Variants in DRC2 observed in about 807,000 individuals in gnomAD.
The protein encoded by DRC2 is dynein regulatory complex subunit 2.
At chr12:48,904,780 C>T in the DRC2 span, among the ~76,000 whole-genome samples, 1 of 152,226 alleles carries the variant, frequency 6.6e-6, no homozygotes, top group African/African-American at 2.4e-5. Flanking sequence ...CAACATCCTA[C>T]TCTGATGCTC....
the DRC2 span, among the ~76,000 whole-genome samples, chr12:48,906,142 C>A: frequency 2.6e-5 from 4 of 152,072 alleles, no homozygotes; most frequent in African/African-American, 9.7e-5. Flanking sequence ...CATGGTATTC[C>A]CCCTCTAGAA....
At chr12:48,908,570 GATT>G in the DRC2 span, among the ~76,000 whole-genome samples, 37,785 of 140,712 alleles carry the variant, frequency 0.27, 5,653 homozygotes, top group African/African-American at 0.39. Context: ...GAACTACCAG[GATT>G]ATTATTATTA....
the DRC2 span, among the ~76,000 whole-genome samples, chr12:48,908,414 TTAAAG>T: frequency 1.2e-4 from 18 of 151,948 alleles, no homozygotes; most frequent in Non-Finnish European, 1.9e-4. Context: ...GTCGTCTACT[TTAAAG>T]TAGTTTTCAA....
At chr12:48,912,452 A>AAAAAAAAAAAAAAAAAG in the DRC2 span, among the ~76,000 whole-genome samples, 1 of 149,648 alleles carries the variant, frequency 6.7e-6, no homozygotes, top group South Asian at 2.1e-4. Context: ...AAAAAAAAAA[A>AAAAAAAAAAAAAAAAAG]AAAAAAAATT....
At chr12:48,906,278 T>C in the DRC2 span, among the ~76,000 whole-genome samples, 49,509 of 151,324 alleles carry the variant, frequency 0.33, 9,090 homozygotes, top group Admixed American at 0.47. Context: ...GAAGTCCACA[T>C]ACCCCACCAG....
At chr12:48,920,781 C>T in the DRC2 span, 2 of 635,278 alleles carry the variant, frequency 3.1e-6, no homozygotes, top group Admixed American at 3.2e-5. Context: ...GTGTGTGTTA[C>T]ATGGTAACCT....
At chr12:48,920,878 C>T in the DRC2 span, 3 of 1,540,412 alleles carry the variant, frequency 1.9e-6, no homozygotes, top group East Asian at 2.3e-5. Flanking sequence ...ACTCCACTAG[C>T]TTCCCTCTTC....
the DRC2 span, among the ~76,000 whole-genome samples, chr12:48,915,130 T>A: frequency 0.32 from 46,255 of 146,022 alleles, 8,361 homozygotes; most frequent in Admixed American, 0.46. Flanking sequence ...TTTTTTTTTT[T>A]ATTGATCATT....
the DRC2 span, among the ~76,000 whole-genome samples, chr12:48,916,722 A>T: frequency 6.6e-6 from 1 of 152,138 alleles, no homozygotes; most frequent in Non-Finnish European, 1.5e-5. Context: ...GATGGGAGAG[A>T]GACTTCTCAC....
chr12:48,919,184 A>G, the DRC2 span, among the ~76,000 whole-genome samples: 1 of 150,894 alleles, frequency 6.6e-6, no homozygotes, highest in Non-Finnish European at 1.5e-5. Flanking sequence ...AAGTGCTGGG[A>G]TTAGAGGCGT....
chr12:48,920,955 A>C, the DRC2 span: 2 of 1,613,196 alleles, frequency 1.2e-6, no homozygotes, highest in African/African-American at 2.7e-5. Context: ...AAACTTGCTG[A>C]AATATGTAGG....
chr12:48,909,836 G>A, the DRC2 span, among the ~76,000 whole-genome samples: 3 of 149,848 alleles, frequency 2.0e-5, no homozygotes, highest in South Asian at 2.1e-4. Context: ...GGTGGAGTGC[G>A]GTGGTGCAAT....
At chr12:48,917,163 C>G in the DRC2 span, 31 of 1,602,458 alleles carry the variant, frequency 1.9e-5, no homozygotes, top group Non-Finnish European at 2.0e-5. Flanking sequence ...GAAAAATGCT[C>G]AAGGAGGCTG....
the DRC2 span, among the ~76,000 whole-genome samples, chr12:48,915,040 T>C: frequency 7.5e-6 from 1 of 133,076 alleles, no homozygotes; most frequent in African/African-American, 2.5e-5. Flanking sequence ...TTGTTTTACT[T>C]TTTTAAATAA....
At chr12:48,905,145 TG>T in the DRC2 span, 2 of 1,557,026 alleles carry the variant, frequency 1.3e-6, no homozygotes, top group East Asian at 4.5e-5. Context: ...ACCTTGAGTA[TG>T]GCTTCCTGAC....
chr12:48,919,376 T>G, the DRC2 span, among the ~76,000 whole-genome samples: 2 of 151,430 alleles, frequency 1.3e-5, no homozygotes, highest in African/African-American at 2.4e-5. Context: ...CTTTTGTATT[T>G]TTTGTAGAGA....
chr12:48,916,707 A>G, the DRC2 span, among the ~76,000 whole-genome samples: 1 of 152,158 alleles, frequency 6.6e-6, no homozygotes, highest in South Asian at 2.1e-4. Flanking sequence ...TTGGCAGGGA[A>G]CAGGGATGGG....
chr12:48,907,136 A>G, the DRC2 span, among the ~76,000 whole-genome samples: 11 of 152,132 alleles, frequency 7.2e-5, no homozygotes, highest in African/African-American at 2.4e-4. Context: ...AATGGCGTGA[A>G]CCCGGGAGGT....
chr12:48,916,080 A>C, the DRC2 span, among the ~76,000 whole-genome samples: 1 of 121,320 alleles, frequency 8.2e-6, no homozygotes, highest in Admixed American at 8.7e-5. Flanking sequence ...CCCAGATGGG[A>C]TGGCGGCCAG....
Sources: gnomAD v4.1 joint callset for allele counts (sites outside exome capture counted in the v4.1 genomes callset) on GRCh38, gnomAD v4.1.1 for gene constraint, MANE v1.5 for transcripts, NCBI Gene and HGNC (gene_info 2026-07-23, HGNC 2026-07-21) for gene names.